Variants in WFDC1 observed in about 807,000 individuals in gnomAD.
WFDC1 encodes the protein WAP four-disulfide core domain protein 1.
A neutral mutation model predicts 32.9 loss-of-function variants in WFDC1; 39 were observed. The observed-to-expected ratio is 1.19, with a 90% CI of 0.92 to 1.55. The LOEUF is 1.55. WFDC1 is among the 40% of genes most tolerant of loss of function. The pLI is 0.00. For synonymous variants in WFDC1, 184 were observed against 137.4 expected, an observed-to-expected ratio of 1.34 and a Z score of -2.37; for missense variants, 386 against 309.5, an observed-to-expected ratio of 1.25 and a Z score of -1.85.
chr16:84,324,354 T>C (rs1235316056), intron 4 of WFDC1, 65 bp from the exon 5 acceptor site: 3 of 1,456,222 alleles, frequency 2.1e-6, no homozygotes, highest in Non-Finnish European at 2.9e-6. Flanking sequence ...CTCAGTGTTA[T>C]TATGACAACA....
rs1906498945 is a variant in WFDC1, at chr16:84,294,996, G to T, written c.25G>T (p.Gly9Cys). The change falls in exon 1 of 7, where the codon GGC becomes TGC. Residue 9 changes from glycine (G) to cysteine (C), a missense_variant. By Grantham distance (159) the Gly-to-Cys change is radical (BLOSUM62 -3). Coordinates refer to ENST00000219454, the MANE Select transcript of WFDC1 (RefSeq NM_021197.4). ...AATGCCTTTAACCGGCGTGGGGCCG[G>T]GCAGCTGCAGGAGGCAGATCATCCG... is the stretch of plus-strand genomic sequence containing the variant. MPLTGVGP[G>C]SCRRQIIRAL... The T allele has an allele frequency of 6.2e-7, 1 of 1,613,962 alleles. No homozygotes were observed. The highest frequency in any genetic ancestry group is 1.3e-5 in the African/African-American group (1 of 75,070).
chr16:84,323,730 G>A (rs976575011), intron 4 of WFDC1, among the ~76,000 whole-genome samples: 1 of 152,240 alleles, frequency 6.6e-6, no homozygotes, highest in Non-Finnish European at 1.5e-5. Flanking sequence ...CTCTTGGGCA[G>A]ACTCAAAAGA....
chr16:84,319,488 A>T lies in WFDC1; in HGVS notation c.479A>T (p.Tyr160Phe). The T allele has an allele frequency of 6.2e-7, 1 of 1,612,698 alleles. No individual in the cohort carries two copies. The highest frequency in any genetic ancestry group is 8.5e-7 in the Non-Finnish European group (1 of 1,179,938). The change falls in exon 4 of 7, where the codon TAT becomes TTT. Residue 160 changes from tyrosine (Y) to phenylalanine (F), a missense_variant. Tyr to Phe is a conservative substitution (Grantham distance 22, BLOSUM62 3). Transcript: ENST00000219454. ...GAACCCCTGCTCTGTCCCTCGGGCT[A>T]TGAGTGCCACATCCTGAGCCCAGGT... ...GAEPLLCPSG[Y>F]ECHILSPGDV... is the part of the protein sequence containing the mutation.
Position 84,294,899 on chromosome 16 carries a change from C to T in WFDC1, c.-73C>T, listed in dbSNP as rs1263318319. The T allele has an allele frequency of 2.6e-6, 4 of 1,562,440 alleles. No homozygotes were observed. In the African/African-American group the frequency reaches 5.4e-5, roughly 21 times the overall value. On this transcript the variant is annotated 5_prime_UTR_variant, in exon 1 of 7. Coordinates refer to ENST00000219454, the MANE Select transcript of WFDC1 (RefSeq NM_021197.4). ...CAGCAGACTGTGCACGCTCCTGTCC[C>T]CACTCACAGGCCCACGCAGCGAGGG...
chr16:84,314,739 C>G (rs1031262335), intron 2 of WFDC1, among the ~76,000 whole-genome samples: 1 of 152,174 alleles, frequency 6.6e-6, no homozygotes, highest in Admixed American at 6.5e-5. Flanking sequence ...ATAAGAAAAC[C>G]TAAATGTTGC....
intron 1 of WFDC1, among the ~76,000 whole-genome samples, chr16:84,308,358 C>G (rs1011902073): frequency 6.6e-6 from 1 of 152,178 alleles, no homozygotes; most frequent in East Asian, 1.9e-4. Flanking sequence ...TGCAGCTACC[C>G]AGATAGGCAC....
intron 1 of WFDC1, among the ~76,000 whole-genome samples, chr16:84,308,984 T>C (rs1907447182): frequency 6.6e-6 from 1 of 152,194 alleles, no homozygotes; most frequent in Non-Finnish European, 1.5e-5. Flanking sequence ...AGGGAAGTTC[T>C]GTAGGGAGAA....
chr16:84,317,669 G>C (rs1467057844), intron 2 of WFDC1: 1 of 153,710 alleles, frequency 6.5e-6, no homozygotes, highest in African/African-American at 2.4e-5. Context: ...CAATTTACCT[G>C]TGCAACAAAC....
chr16:84,319,684 G>A, intron 4 of WFDC1, 113 bp downstream of exon 4: 1 of 1,416,050 alleles, frequency 7.1e-7, no homozygotes. Flanking sequence ...CAGCACCTGG[G>A]CCTGACTGAG....
intron 1 of WFDC1, among the ~76,000 whole-genome samples, chr16:84,306,867 A>G (rs1907294249): frequency 1.3e-5 from 2 of 152,248 alleles, no homozygotes; most frequent in African/African-American, 4.8e-5. Context: ...CCAGGGACAC[A>G]GGTAAGAACA....
intron 5 of WFDC1, 66 bp from the exon 6 acceptor site, chr16:84,326,816 A>G: frequency 6.3e-7 from 1 of 1,595,480 alleles, no homozygotes; most frequent in Non-Finnish European, 8.6e-7. Flanking sequence ...GTTCCTGGTG[A>G]GCCACGGGGG....
intron 4 of WFDC1, among the ~76,000 whole-genome samples, chr16:84,322,189 G>GTGTGTGTGTGTGTA (rs968098824): frequency 6.6e-6 from 1 of 151,008 alleles, no homozygotes; most frequent in African/African-American, 2.4e-5. Flanking sequence ...GTGTGTGTGT[G>GTGTGTGTGTGTGTA]TGAGCTTCCC....
intron 1 of WFDC1, chr16:84,296,925 G>C (rs1303745334): frequency 6.6e-6 from 1 of 152,156 alleles, no homozygotes; most frequent in Non-Finnish European, 1.5e-5. Context: ...TTGAGGAGGG[G>C]TGAGAGACTC....
At chr16:84,309,846 TG>T (rs1907505905) in intron 1 of WFDC1, among the ~76,000 whole-genome samples, 1 of 93,062 alleles carries the variant, frequency 1.1e-5, no homozygotes, top group South Asian at 3.8e-4. Flanking sequence ...CGTGTGTACA[TG>T]TGTGTGTGGG....
chr16:84,321,228 C>T (rs547922622), intron 4 of WFDC1, among the ~76,000 whole-genome samples: 3 of 152,356 alleles, frequency 2.0e-5, no homozygotes, highest in East Asian at 1.9e-4. Context: ...ACTTGAGGTA[C>T]TTCACAGGGC....
chr16:84,324,369 T>G, intron 4 of WFDC1, 50 bp from the exon 5 acceptor site: 1 of 1,548,632 alleles, frequency 6.5e-7, no homozygotes, highest in Non-Finnish European at 8.9e-7. Flanking sequence ...ACAACAGTTT[T>G]GGCCTTCTAA....
intron 3 of WFDC1, chr16:84,318,677 T>G: frequency 3.8e-6 from 1 of 266,228 alleles, no homozygotes; most frequent in Non-Finnish European, 7.6e-6. Flanking sequence ...CGCTCTCTAA[T>G]GATGAAGCCT....
intron 1 of WFDC1, 140 bp from the exon 2 acceptor site, chr16:84,312,821 T>C: frequency 2.7e-6 from 1 of 374,384 alleles, no homozygotes; most frequent in Non-Finnish European, 4.0e-6. Flanking sequence ...CGAGGCTGGC[T>C]CTGCCTGCTT....
chr16:84,315,615 A>AG (rs1032654789), intron 2 of WFDC1, among the ~76,000 whole-genome samples: 9 of 152,270 alleles, frequency 5.9e-5, no homozygotes, highest in East Asian at 5.8e-4. Context: ...CTTGCTGGGC[A>AG]GGGGGGCGCT....
Sources: gnomAD v4.1 joint callset for allele counts (sites outside exome capture counted in the v4.1 genomes callset) on GRCh38, gnomAD v4.1.1 for gene constraint, MANE v1.5 for transcripts, NCBI Gene and HGNC (gene_info 2026-07-23, HGNC 2026-07-21) for gene names.